The following PIGK variants were observed in gnomAD, a reference collection of about 807,000 sequenced individuals.
PIGK encodes the protein GPI-anchor transamidase.
Under a neutral mutation model 50.6 loss-of-function variants are expected in PIGK, and 42 were observed. The observed-to-expected ratio is 0.83, with a 90% CI of 0.65 to 1.07. PIGK has a LOEUF of 1.07. PIGK is among the 50% of genes least tolerant of loss of function. The pLI is 0.00. For missense variants in PIGK, 448 were observed against 488.7 expected, an observed-to-expected ratio of 0.92 and a Z score of 0.78; for synonymous variants, 151 against 156.0, an observed-to-expected ratio of 0.97 and a Z score of 0.24.
At chr1:77,111,113 G>C (rs1653830373) in intron 10 of PIGK, among the ~76,000 whole-genome samples, 1 of 152,168 alleles carries the variant, frequency 6.6e-6, no homozygotes, top group Non-Finnish European at 1.5e-5. Context: ...AACAACAGGT[G>C]CTGGAGAGGA....
At chr1:77,159,180 T>C (rs1234245131) in intron 8 of PIGK, among the ~76,000 whole-genome samples, 1 of 152,126 alleles carries the variant, frequency 6.6e-6, no homozygotes, top group African/African-American at 2.4e-5. Context: ...TCTTGGCCCA[T>C]AGCTTCAGAG....
At chr1:77,131,822 T>A (rs147567133) in intron 9 of PIGK, among the ~76,000 whole-genome samples, 33 of 152,212 alleles carry the variant, frequency 2.2e-4, no homozygotes, top group African/African-American at 7.2e-4. Flanking sequence ...ACATCTGTGA[T>A]CACAAGTGAG....
chr1:77,184,056 G>A (rs936155620), intron 3 of PIGK, among the ~76,000 whole-genome samples: 1 of 152,110 alleles, frequency 6.6e-6, no homozygotes, highest in Non-Finnish European at 1.5e-5. Flanking sequence ...AAATACAGTG[G>A]AAATAATGGG....
intron 3 of PIGK, chr1:77,195,309 C>A: frequency 3.0e-6 from 4 of 1,340,044 alleles, no homozygotes; most frequent in Non-Finnish European, 4.2e-6. Context: ...GGAAGAAAGG[C>A]TGTTTTCAGG....
At position 77,210,391 on chromosome 1, in the gene PIGK, C is replaced by T. The variant is rs1656389495; in HGVS notation, c.147+45G>A. On this transcript the variant is annotated intron_variant, in intron 2 of 10. Transcript: ENST00000370812. ...TTGATTCACACAAATTTCTCAGATA[C>T]ATATCTAATGTGAACAGCAAGGTAT... 6 of 1,122,924 alleles carry T rather than the reference C, an allele frequency of 5.3e-6. No homozygotes were observed. In the East Asian group the frequency reaches 8.2e-5, roughly 15 times the overall value. 69.6% of individuals were successfully genotyped at this position (1,122,924 alleles called of 1,614,324 possible).
intron 9 of PIGK, among the ~76,000 whole-genome samples, chr1:77,151,400 C>A (rs528366704): frequency 6.6e-6 from 1 of 152,016 alleles, no homozygotes; most frequent in African/African-American, 2.4e-5. Flanking sequence ...ATACTTAATG[C>A]GGAACAACTG....
At chr1:77,163,454 G>A (rs531303652) in intron 6 of PIGK, among the ~76,000 whole-genome samples, 7 of 151,954 alleles carry the variant, frequency 4.6e-5, no homozygotes, top group Admixed American at 2.0e-4. Context: ...TAATTTCAGC[G>A]ATTTTTTTTT....
chr1:77,210,831 T>A (rs1656401892), intron 1 of PIGK, among the ~76,000 whole-genome samples: 1 of 152,034 alleles, frequency 6.6e-6, no homozygotes, highest in Non-Finnish European at 1.5e-5. Flanking sequence ...CAATCCTACA[T>A]CACAGGGCTC....
intron 3 of PIGK, 126 bp downstream of exon 3, chr1:77,206,514 A>G: frequency 1.6e-6 from 1 of 615,212 alleles, no homozygotes; most frequent in Non-Finnish European, 2.8e-6. Flanking sequence ...ATGAGAACAA[A>G]AAATCTTCAA....
chr1:77,213,340 A>C (rs1570267876), intron 1 of PIGK, among the ~76,000 whole-genome samples: 1 of 152,268 alleles, frequency 6.6e-6, no homozygotes, highest in South Asian at 2.1e-4. Flanking sequence ...AGTGAATTTG[A>C]AAAAATCAAA....
At chr1:77,122,435 A>G in intron 9 of PIGK, 76 bp from the exon 10 acceptor site, 1 of 783,696 alleles carries the variant, frequency 1.3e-6, no homozygotes, top group East Asian at 2.6e-5. Flanking sequence ...AAATATGTCA[A>G]ATATGAAATA....
chr1:77,151,401 G>A (rs1008005146), intron 9 of PIGK, among the ~76,000 whole-genome samples: 11 of 152,022 alleles, frequency 7.2e-5, no homozygotes, highest in African/African-American at 1.2e-4. Context: ...TACTTAATGC[G>A]GAACAACTGA....
intron 9 of PIGK, among the ~76,000 whole-genome samples, chr1:77,147,022 C>A (rs950072053): frequency 6.6e-6 from 1 of 150,664 alleles, no homozygotes; most frequent in Non-Finnish European, 1.5e-5. Flanking sequence ...TGTTTTCACA[C>A]TGCTGACAAA....
At chr1:77,130,684 C>T (rs1182275962) in intron 9 of PIGK, among the ~76,000 whole-genome samples, 1 of 152,138 alleles carries the variant, frequency 6.6e-6, no homozygotes, top group Non-Finnish European at 1.5e-5. Flanking sequence ...CTTAGTCATC[C>T]AAATGGCTTT....
Position 77,195,318 on chromosome 1 carries a change from G to A in PIGK, c.239+11322C>T, listed in dbSNP as rs1656008398. ...GAGCAGGGAAGAAAGGCTGTTTTCA[G>A]GGCAAGACCACCAAGTTGAGCCAGC... On this transcript the variant is annotated intron_variant, in intron 3 of 10. Coordinates refer to ENST00000370812, the MANE Select transcript of PIGK (RefSeq NM_005482.3). 9.7e-6 allele frequency: 13 copies of A among 1,335,416 alleles called. No individual in the cohort carries two copies. In the Admixed American group the frequency reaches 2.2e-4, roughly 23 times the overall value. The allele number at this position is 1,335,416 out of a possible 1,614,324, so 82.7% of individuals were successfully genotyped here. A position where few individuals can be genotyped will look rare whatever the true frequency, so the allele number is the denominator to read the frequency against.
At chr1:77,136,346 G>C (rs1654513710) in intron 9 of PIGK, among the ~76,000 whole-genome samples, 1 of 151,608 alleles carries the variant, frequency 6.6e-6, no homozygotes, top group Non-Finnish European at 1.5e-5. Flanking sequence ...CGGCTAAAAC[G>C]GTGAAACCCC....
rs1441146223 is a variant in PIGK, at chr1:77,089,274, T to C, written c.*3100A>G. On this transcript the variant is annotated 3_prime_UTR_variant, in exon 11 of 11. Transcript: ENST00000370812. ...TGGAGAACTCTTTCTTTGTAGTAAATGCCCTTGAGTATGAGATGTGACACT... is the reference window on the plus strand; with the variant it reads ...TGGAGAACTCTTTCTTTGTAGTAAACGCCCTTGAGTATGAGATGTGACACT... The C allele has an allele frequency of 6.6e-6, 1 of 152,252 alleles. No homozygotes were observed. The highest frequency in any genetic ancestry group is 2.4e-5 in the African/African-American group (1 of 41,468). The allele number at this position is 152,252 out of a possible 1,614,324, so 9.4% of individuals were successfully genotyped here.
At chr1:77,148,980 G>A (rs1052932103) in intron 9 of PIGK, among the ~76,000 whole-genome samples, 2 of 152,082 alleles carry the variant, frequency 1.3e-5, no homozygotes, top group African/African-American at 4.8e-5. Context: ...CTCCCAAAGT[G>A]CTGGGATTAC....
Position 77,120,738 on chromosome 1 carries a change from AAAAAT to A in PIGK, c.1071+1532_1071+1536del, listed in dbSNP as rs1021453478. On this transcript the variant is annotated intron_variant, in intron 10 of 10. Transcript: ENST00000370812. ...GAGAACAGAATTCATTTTATTCAAT[AAAAAT>A]AAAATACATAAATTCCTATTGTGTA... Among the ~76,000 whole-genome samples the A allele has an allele frequency of 3.3e-3, 507 of 152,340 alleles. 1 individual carries two copies. The highest frequency in any genetic ancestry group is 0.012 in the African/African-American group (501 of 41,580).
Sources: allele counts gnomAD v4.1 joint callset (sites outside exome capture counted in the v4.1 genomes callset), GRCh38; gene constraint gnomAD v4.1.1; transcripts MANE v1.5; gene names NCBI Gene and HGNC (gene_info 2026-07-23, HGNC 2026-07-21).